The following BCAR3 variants were observed in gnomAD, a reference collection of about 807,000 sequenced individuals.
The protein encoded by BCAR3 is breast cancer anti-estrogen resistance protein 3.
In BCAR3, 37 loss-of-function variants were observed where a neutral mutation model predicts 80.1. That is an observed-to-expected ratio of 0.46 (90% CI 0.36 to 0.61). The LOEUF (loss-of-function observed/expected upper bound fraction) is 0.61. Among genes scored for constraint, BCAR3 ranks in the 20% least tolerant of loss-of-function variants. The pLI, the probability that BCAR3 is intolerant of heterozygous loss-of-function variation, is 0.00. For synonymous variants in BCAR3, 389 were observed against 418.9 expected, an observed-to-expected ratio of 0.93 and a Z score of 0.87; for missense variants, 978 against 1,068.2, an observed-to-expected ratio of 0.92 and a Z score of 1.18.
intron 2 of BCAR3, among the ~76,000 whole-genome samples, chr1:93,714,240 C>T (rs914076173): frequency 1.3e-5 from 2 of 152,238 alleles, no homozygotes; most frequent in South Asian, 2.1e-4. Flanking sequence ...CTCGGCCTCC[C>T]AAAGTGCTGG....
chr1:93,709,675 T>C (rs920572935), intron 2 of BCAR3, among the ~76,000 whole-genome samples: 1 of 152,152 alleles, frequency 6.6e-6, no homozygotes, highest in African/African-American at 2.4e-5. Flanking sequence ...TCTCCTAGAC[T>C]AGAGATGGGA....
intron 2 of BCAR3, among the ~76,000 whole-genome samples, chr1:93,731,728 TC>T (rs1161004674): frequency 6.6e-6 from 1 of 152,216 alleles, no homozygotes; most frequent in Non-Finnish European, 1.5e-5. Context: ...CAATTTTCTC[TC>T]CCTTTGGCAC....
intron 3 of BCAR3, among the ~76,000 whole-genome samples, chr1:93,698,094 C>T (rs370683719): frequency 2.6e-5 from 4 of 152,198 alleles, no homozygotes; most frequent in African/African-American, 7.2e-5. Flanking sequence ...AGGGCTACGG[C>T]GGAGGCAGGA....
intron 3 of BCAR3, among the ~76,000 whole-genome samples, chr1:93,637,458 A>C (rs1463533174): frequency 6.6e-6 from 1 of 152,122 alleles, no homozygotes; most frequent in African/African-American, 2.4e-5. Flanking sequence ...CCCAGAGGAG[A>C]TAATATACAT....
intron 3 of BCAR3, among the ~76,000 whole-genome samples, chr1:93,618,158 A>G (rs1434355268): frequency 6.6e-6 from 1 of 152,206 alleles, no homozygotes; most frequent in Non-Finnish European, 1.5e-5. Context: ...AATCTGATTG[A>G]TTTCTTGCTC....
chr1:93,662,820 T>G (rs1005944410), intron 2 of BCAR3, among the ~76,000 whole-genome samples: 4 of 152,242 alleles, frequency 2.6e-5, no homozygotes, highest in Non-Finnish European at 5.9e-5. Context: ...ATCGTTGTCT[T>G]GATAATCCAC....
intron 2 of BCAR3, among the ~76,000 whole-genome samples, chr1:93,735,005 T>C (rs1650927034): frequency 6.6e-6 from 1 of 152,228 alleles, no homozygotes; most frequent in African/African-American, 2.4e-5. Flanking sequence ...GGTTAGCTTC[T>C]TGGAGTTTGT....
At chr1:93,662,903 T>C (rs1465956812) in intron 2 of BCAR3, among the ~76,000 whole-genome samples, 1 of 151,000 alleles carries the variant, frequency 6.6e-6, no homozygotes. Flanking sequence ...TAAATCCTTT[T>C]TTAAAAATTA....
chr1:93,588,097 C>G (rs1047103302), intron 5 of BCAR3, among the ~76,000 whole-genome samples: 3 of 152,100 alleles, frequency 2.0e-5, no homozygotes, highest in African/African-American at 7.2e-5. Flanking sequence ...AGTGAACCAC[C>G]CTTTCCAGGT....
In BCAR3 at chr1:93,582,289, C is replaced by G. The variant is rs372827190; in HGVS notation, c.1686+12G>C. ...GAAAAGCCAGAGGAGCACCAGGACC[C>G]CCAGCGCTTACCCTGCAGTCCATGC... On this transcript the variant is annotated intron_variant, in intron 7 of 11. Coordinates refer to ENST00000260502, the MANE Select transcript of BCAR3 (RefSeq NM_003567.4). The G allele has an allele frequency of 1.4e-5, 23 of 1,607,648 alleles. No individual in the cohort carries two copies. The highest frequency in any genetic ancestry group is 1.7e-5 in the Admixed American group (1 of 59,766).
chr1:93,640,771 T>C (rs1243487134), intron 3 of BCAR3, among the ~76,000 whole-genome samples: 3 of 152,232 alleles, frequency 2.0e-5, no homozygotes, highest in Non-Finnish European at 4.4e-5. Flanking sequence ...TACCAAATTA[T>C]CTTAAAAGGG....
intron 2 of BCAR3, among the ~76,000 whole-genome samples, chr1:93,765,035 C>T (rs975458312): frequency 5.3e-5 from 8 of 152,148 alleles, no homozygotes; most frequent in African/African-American, 1.9e-4. Flanking sequence ...GAGGATATCC[C>T]CAAGGTCAGG....
At chr1:93,682,862 AT>A (rs1648851644), upstream of BCAR3, among the ~76,000 whole-genome samples, 1 of 152,182 alleles carries the variant, frequency 6.6e-6, no homozygotes, top group Non-Finnish European at 1.5e-5. Context: ...CTCCAGATGG[AT>A]TTTAAAGGTA....
chr1:93,807,835 G>A (rs1653706747), intron 2 of BCAR3, among the ~76,000 whole-genome samples: 1 of 151,830 alleles, frequency 6.6e-6, no homozygotes, highest in Non-Finnish European at 1.5e-5. Flanking sequence ...GGAGTTCCAG[G>A]TCAGCCTTGG....
chr1:93,688,907 G>A (rs968859046), intron 3 of BCAR3, among the ~76,000 whole-genome samples: 2 of 152,084 alleles, frequency 1.3e-5, no homozygotes, highest in East Asian at 3.8e-4. Flanking sequence ...AAAGTGCTGG[G>A]ATTACAAGTG....
intron 7 of BCAR3, among the ~76,000 whole-genome samples, chr1:93,579,453 C>G (rs902282340): frequency 6.6e-6 from 1 of 152,190 alleles, no homozygotes; most frequent in African/African-American, 2.4e-5. Context: ...AGCTCCTGCT[C>G]GCTGCCTGGG....
At chr1:93,840,322 G>A (rs1401431582) in intron 2 of BCAR3, among the ~76,000 whole-genome samples, 1 of 152,216 alleles carries the variant, frequency 6.6e-6, no homozygotes, top group African/African-American at 2.4e-5. Flanking sequence ...CTTCCCATCT[G>A]GGAATGGGGC....
chr1:93,566,636 A>G (rs563138151), intron 11 of BCAR3, among the ~76,000 whole-genome samples: 2 of 152,130 alleles, frequency 1.3e-5, no homozygotes, highest in Non-Finnish European at 2.9e-5. Flanking sequence ...AGGAACAGGA[A>G]TGCAGATAAA....
intron 7 of BCAR3, among the ~76,000 whole-genome samples, chr1:93,577,898 G>T (rs1222960880): frequency 1.3e-5 from 2 of 152,234 alleles, no homozygotes; most frequent in East Asian, 3.9e-4. Context: ...TATATGCCAT[G>T]CCTGGGTCAC....
Sources: allele counts gnomAD v4.1 joint callset (sites outside exome capture counted in the v4.1 genomes callset), GRCh38; gene constraint gnomAD v4.1.1; transcripts MANE v1.5; gene names NCBI Gene and HGNC (gene_info 2026-07-23, HGNC 2026-07-21).